MEGF10: variants seen among roughly 807,000 people sequenced by gnomAD.
MEGF10 encodes multiple EGF like domains 10.
MEGF10 carries 86 observed loss-of-function variants against 147.5 expected under a neutral mutation model. The ratio of observed to expected loss-of-function variants is 0.58; its 90% CI spans 0.49 to 0.70. The LOEUF is 0.70. Among genes scored for constraint, MEGF10 ranks in the 30% least tolerant of loss-of-function variants. The probability of loss-of-function intolerance (pLI) is 0.00; values close to 1 mark genes in which losing one functional copy is unlikely to be tolerated. For missense variants in MEGF10, 1,329 were observed against 1,487.3 expected, an observed-to-expected ratio of 0.89 and a Z score of 1.75; for synonymous variants, 478 against 525.5, an observed-to-expected ratio of 0.91 and a Z score of 1.24.
the MEGF10 span, among the ~76,000 whole-genome samples, chr5:127,234,384 T>G: frequency 2.6e-5 from 4 of 152,338 alleles, no homozygotes; most frequent in Admixed American, 2.6e-4. Flanking sequence ...CTAGGCACAT[T>G]GCCACTGAGA....
chr5:127,388,890 G>A (rs1019989647), intron 5 of MEGF10, among the ~76,000 whole-genome samples: 3 of 152,084 alleles, frequency 2.0e-5, no homozygotes, highest in Admixed American at 6.5e-5. Flanking sequence ...TCACTACTGA[G>A]GTAATTTCTT....
intron 1 of MEGF10, among the ~76,000 whole-genome samples, chr5:127,296,997 A>G (rs530953670): frequency 1.7e-4 from 26 of 152,124 alleles, no homozygotes; most frequent in African/African-American, 5.8e-4. Flanking sequence ...GTGGAGTTTC[A>G]TTCTTGTTGC....
chr5:127,423,689 T>C (rs1580853141), intron 13 of MEGF10, among the ~76,000 whole-genome samples: 1 of 152,188 alleles, frequency 6.6e-6, no homozygotes, highest in East Asian at 1.9e-4. Context: ...ATCTTCTTTA[T>C]ATAAATCCCT....
At chr5:127,282,479 CA>C in the MEGF10 span, among the ~76,000 whole-genome samples, 1 of 152,130 alleles carries the variant, frequency 6.6e-6, no homozygotes, top group Non-Finnish European at 1.5e-5. Flanking sequence ...CATGGTTCCC[CA>C]AAATTGAAAT....
chr5:127,304,362 T>G (rs1169067465), intron 1 of MEGF10, among the ~76,000 whole-genome samples: 3 of 152,152 alleles, frequency 2.0e-5, no homozygotes, highest in Admixed American at 2.0e-4. Flanking sequence ...TAGTTTGAAT[T>G]TAATTTCTTT....
intron 4 of MEGF10, among the ~76,000 whole-genome samples, chr5:127,356,523 G>A (rs1762286326): frequency 6.6e-6 from 1 of 152,334 alleles, no homozygotes; most frequent in African/African-American, 2.4e-5. Context: ...GGCTGGCCAC[G>A]TTGGAAGGGC....
intron 5 of MEGF10, among the ~76,000 whole-genome samples, chr5:127,373,800 C>T (rs1278281785): frequency 1.3e-5 from 2 of 152,204 alleles, no homozygotes; most frequent in East Asian, 1.9e-4. Context: ...GAAGCAACCA[C>T]TACCTCTAAG....
At chr5:127,247,378 A>T in the MEGF10 span, among the ~76,000 whole-genome samples, 1 of 20,800 alleles carries the variant, frequency 4.8e-5, no homozygotes, top group Non-Finnish European at 8.8e-5. Flanking sequence ...GAAGAAGAAG[A>T]AGAAGAAGAA....
intron 24 of MEGF10, among the ~76,000 whole-genome samples, chr5:127,456,216 T>C (rs986346271): frequency 3.9e-4 from 59 of 152,338 alleles, no homozygotes; most frequent in Middle Eastern, 3.4e-3. Context: ...ATTATATTAA[T>C]ATAATGCATT....
rs2127050903 is a variant in MEGF10 at position 127,457,999 on chromosome 5, C to G, written c.*681C>G. The G allele has an allele frequency of 6.6e-6, 1 of 152,270 alleles. No homozygotes were observed. Among genetic ancestry groups the G allele is most frequent in the Admixed American group, 6.5e-5 (1 of 15,288 alleles). 9.4% of individuals were successfully genotyped at this position (152,270 alleles called of 1,614,324 possible). ...AAATAGTAGGAAGTATTGCAGAAGT[C>G]AATACACAAATGTGCCAGGCAGAGG... On this transcript the variant is annotated 3_prime_UTR_variant, in exon 25 of 25. Transcript: ENST00000503335.
chr5:127,403,368 G>A (rs538563113), intron 8 of MEGF10, among the ~76,000 whole-genome samples: 1 of 152,020 alleles, frequency 6.6e-6, no homozygotes, highest in Non-Finnish European at 1.5e-5. Flanking sequence ...ATACAGGCTT[G>A]CAATGTGAAC....
At chr5:127,372,774 A>G (rs1762892758) in intron 5 of MEGF10, among the ~76,000 whole-genome samples, 2 of 152,186 alleles carry the variant, frequency 1.3e-5, no homozygotes, top group African/African-American at 2.4e-5. Flanking sequence ...ACATGATATC[A>G]TGATATCCAT....
At chr5:127,447,893 C>G (rs1766009254) in intron 21 of MEGF10, among the ~76,000 whole-genome samples, 1 of 152,148 alleles carries the variant, frequency 6.6e-6, no homozygotes. Context: ...AAGTTACTTC[C>G]AGACATAGCT....
intron 13 of MEGF10, among the ~76,000 whole-genome samples, chr5:127,425,129 T>A (rs1347115102): frequency 6.6e-6 from 1 of 152,214 alleles, no homozygotes; most frequent in Non-Finnish European, 1.5e-5. Flanking sequence ...CACACTCTAG[T>A]ATACATGAGA....
At chr5:127,455,262 C>A in intron 23 of MEGF10, 139 bp from the exon 24 acceptor site, 1 of 788,056 alleles carries the variant, frequency 1.3e-6, no homozygotes, top group Non-Finnish European at 2.1e-6. Flanking sequence ...CTCTCCAAAA[C>A]AAGTGGAAAA....
chr5:127,316,119 T>C lies in MEGF10; in HGVS notation c.-18-15172T>C, dbSNP rs75830683. 8.7e-3 allele frequency among the ~76,000 whole-genome samples: 1,332 copies of C among 152,360 alleles called. 23 individuals are homozygous for C. The highest frequency in any genetic ancestry group is 0.03 in the African/African-American group (1,235 of 41,596). On this transcript the variant is annotated intron_variant, in intron 1 of 24. Coordinates refer to ENST00000503335, the MANE Select transcript of MEGF10 (RefSeq NM_001256545.2). ...GCTTTAGTGCAACAAAAGTCTGCCA[T>C]ATAAGTTTGGTGCCATTGCACCTTT...
chr5:127,304,042 T>C (rs1158490037), intron 1 of MEGF10, among the ~76,000 whole-genome samples: 2 of 152,252 alleles, frequency 1.3e-5, no homozygotes, highest in Admixed American at 1.3e-4. Context: ...CTTCTGTTTT[T>C]AACTGAGTGA....
intron 1 of MEGF10, among the ~76,000 whole-genome samples, chr5:127,305,890 TGCATTGCTATGAAA>T (rs996131886): frequency 6.6e-6 from 1 of 152,244 alleles, no homozygotes; most frequent in African/African-American, 2.4e-5. Context: ...TGAATTATAC[TGCATTGCTATGAAA>T]GCCAAATATC....
chr5:127,306,852 G>C (rs746551239), intron 1 of MEGF10, among the ~76,000 whole-genome samples: 5 of 152,268 alleles, frequency 3.3e-5, no homozygotes, highest in East Asian at 1.9e-4. Context: ...GCTGGGTTGT[G>C]GGGGGTGGTG....
Sources: allele counts gnomAD v4.1 joint callset (sites outside exome capture counted in the v4.1 genomes callset), GRCh38; gene constraint gnomAD v4.1.1; transcripts MANE v1.5; gene names NCBI Gene and HGNC (gene_info 2026-07-23, HGNC 2026-07-21).